The following WWOX variants were observed in gnomAD, a reference collection of about 807,000 sequenced individuals.
The protein encoded by WWOX is WW domain-containing oxidoreductase.
WWOX carries 69 observed loss-of-function variants against 46.2 expected under a neutral mutation model. That is an observed-to-expected ratio of 1.49 (90% CI 1.23 to 1.82). WWOX has a LOEUF of 1.82. Ranked by LOEUF, WWOX falls within the 40% of genes most tolerant of loss-of-function variation. The pLI is 0.00. For synonymous variants in WWOX, 359 were observed against 202.6 expected (o/e 1.77, Z -6.56); for missense variants, 919 against 542.6 (o/e 1.69, Z -6.89).
chr16:78,920,918 A>T (rs143140082), intron 8 of WWOX, among the ~76,000 whole-genome samples: 2 of 152,220 alleles, frequency 1.3e-5, no homozygotes, highest in African/African-American at 4.8e-5. Context: ...TTGACTTTCA[A>T]ACTGCTCTCA....
chr16:79,173,277 C>T (rs1468681187), intron 8 of WWOX, among the ~76,000 whole-genome samples: 1 of 129,886 alleles, frequency 7.7e-6, no homozygotes, highest in South Asian at 3.1e-4. Flanking sequence ...GAAGGGAACC[C>T]TGCATGTCCA....
intron 8 of WWOX, among the ~76,000 whole-genome samples, chr16:78,832,426 G>C (rs1043188218): frequency 1.3e-5 from 2 of 152,122 alleles, no homozygotes; most frequent in Admixed American, 1.3e-4. Flanking sequence ...TTGATTAGAA[G>C]AATACTAGTA....
chr16:78,417,204 C>T (rs552188967), intron 6 of WWOX, among the ~76,000 whole-genome samples: 1 of 152,162 alleles, frequency 6.6e-6, no homozygotes, highest in Non-Finnish European at 1.5e-5. Flanking sequence ...TCCCAAGTAG[C>T]TGAGACTACA....
At chr16:78,246,496 G>A (rs759682367) in intron 5 of WWOX, among the ~76,000 whole-genome samples, 12 of 152,120 alleles carry the variant, frequency 7.9e-5, no homozygotes, top group Non-Finnish European at 1.6e-4. Context: ...GAAGCCCAAG[G>A]CATCTTTCAG....
intron 5 of WWOX, among the ~76,000 whole-genome samples, chr16:78,320,003 T>C (rs938984095): frequency 1.3e-5 from 2 of 152,218 alleles, no homozygotes; most frequent in Non-Finnish European, 2.9e-5. Flanking sequence ...TTATATCTTT[T>C]AACTTTATTT....
rs572368202 is a variant in WWOX, at chr16:79,212,345, A to T, written c.*549A>T. On this transcript the variant is annotated 3_prime_UTR_variant, in exon 9 of 9. Transcript: ENST00000566780. ...AACCTTGTCCCAGCCAGTGAGGATG[A>T]CAGTGACACCCAGAGGGAGTAGAAT... 2.6e-5 allele frequency: 17 copies of T among 645,808 alleles called. No homozygotes were observed. Among genetic ancestry groups the T allele is most frequent in the African/African-American group, 2.5e-4 (14 of 55,082 alleles). The allele number at this position is 645,808 out of a possible 1,614,324, so 40.0% of individuals were successfully genotyped here.
At chr16:78,180,904 G>A (rs1163928119) in intron 5 of WWOX, among the ~76,000 whole-genome samples, 7 of 152,148 alleles carry the variant, frequency 4.6e-5, no homozygotes, top group South Asian at 4.1e-4. Flanking sequence ...AGGTTGATCC[G>A]AAGTTAGTAA....
intron 8 of WWOX, among the ~76,000 whole-genome samples, chr16:78,519,771 A>G (rs1008582326): frequency 6.6e-6 from 1 of 152,122 alleles, no homozygotes; most frequent in African/African-American, 2.4e-5. Flanking sequence ...GGTGCCATCT[A>G]TGAGCCAGAG....
At chr16:78,774,804 G>A (rs913902263) in intron 8 of WWOX, among the ~76,000 whole-genome samples, 2 of 152,112 alleles carry the variant, frequency 1.3e-5, no homozygotes, top group African/African-American at 4.8e-5. Flanking sequence ...ACTGTGAGGT[G>A]CTCCCAGGAG....
chr16:78,975,537 A>G (rs964891776), intron 8 of WWOX, among the ~76,000 whole-genome samples: 4 of 151,928 alleles, frequency 2.6e-5, no homozygotes, highest in Admixed American at 6.6e-5. Context: ...TGCCCATGAA[A>G]TCTGAATACC....
At chr16:78,534,017 A>G (rs12325413) in intron 8 of WWOX, among the ~76,000 whole-genome samples, 6,918 of 152,262 alleles carry the variant, frequency 0.045, 321 homozygotes, top group African/African-American at 0.12. Flanking sequence ...TGAATGAGTG[A>G]TGGGTAAGAG....
chr16:78,146,552 C>T (rs557320868), intron 4 of WWOX, among the ~76,000 whole-genome samples: 10 of 152,272 alleles, frequency 6.6e-5, no homozygotes, highest in South Asian at 2.1e-4. Flanking sequence ...TTAGATTACA[C>T]GTTTCCTGAG....
chr16:78,627,136 CT>C (rs1326986979), intron 8 of WWOX, among the ~76,000 whole-genome samples: 1 of 152,062 alleles, frequency 6.6e-6, no homozygotes, highest in Non-Finnish European at 1.5e-5. Context: ...AAAAATCATA[CT>C]AGAGCAGTAG....
At chr16:78,587,919 C>G (rs1397591165) in intron 8 of WWOX, among the ~76,000 whole-genome samples, 1 of 152,210 alleles carries the variant, frequency 6.6e-6, no homozygotes, top group Non-Finnish European at 1.5e-5. Flanking sequence ...TTATGTAAAT[C>G]AAGCGGGCCT....
intron 5 of WWOX, among the ~76,000 whole-genome samples, chr16:78,190,673 G>T (rs1454860760): frequency 2.6e-5 from 4 of 152,074 alleles, no homozygotes; most frequent in Non-Finnish European, 5.9e-5. Flanking sequence ...CATGGCAGGG[G>T]GAAAGTGTAT....
chr16:78,116,953 T>G (rs559201716), intron 4 of WWOX, among the ~76,000 whole-genome samples: 1 of 152,312 alleles, frequency 6.6e-6, no homozygotes, highest in Admixed American at 6.5e-5. Flanking sequence ...TTTCAAAGAT[T>G]TGCAACAGCA....
At chr16:78,521,301 C>G (rs537820977) in intron 8 of WWOX, among the ~76,000 whole-genome samples, 1 of 152,228 alleles carries the variant, frequency 6.6e-6, no homozygotes, top group South Asian at 2.1e-4. Flanking sequence ...AAGTGATCCT[C>G]CCACCTCAGC....
At chr16:78,463,688 A>T (rs1225747150) in intron 8 of WWOX, among the ~76,000 whole-genome samples, 1 of 152,214 alleles carries the variant, frequency 6.6e-6, no homozygotes, top group East Asian at 1.9e-4. Flanking sequence ...CTGTTGGCTG[A>T]TACTCTGTCA....
intron 8 of WWOX, among the ~76,000 whole-genome samples, chr16:78,697,081 T>A (rs903379418): frequency 6.6e-6 from 1 of 152,356 alleles, no homozygotes; most frequent in East Asian, 1.9e-4. Context: ...CCATTTGGGC[T>A]AATTTCACAT....
Sources: allele counts gnomAD v4.1 joint callset (sites outside exome capture counted in the v4.1 genomes callset), GRCh38; gene constraint gnomAD v4.1.1; transcripts MANE v1.5; gene names NCBI Gene and HGNC (gene_info 2026-07-23, HGNC 2026-07-21).